The following ACYP2 variants were observed in gnomAD, a reference collection of about 807,000 sequenced individuals.
The protein encoded by ACYP2 is acylphosphatase-2.
In ACYP2, 12 loss-of-function variants were observed where a neutral mutation model predicts 11.2. The observed-to-expected ratio is 1.08, with a 90% CI of 0.69 to 1.74. The LOEUF (loss-of-function observed/expected upper bound fraction) is 1.74, where lower values mean the gene tolerates loss of function less well. ACYP2 is among the 40% of genes most tolerant of loss of function. The pLI, the probability that ACYP2 is intolerant of heterozygous loss-of-function variation, is 0.00. For missense variants in ACYP2, 134 were observed against 101.9 expected, an observed-to-expected ratio of 1.31 and a Z score of -1.35; for synonymous variants, 43 against 32.2, an observed-to-expected ratio of 1.33 and a Z score of -1.13.
At chr2:54,300,154 A>G (rs1573074794) in intron 6 of ACYP2, among the ~76,000 whole-genome samples, 1 of 152,206 alleles carries the variant, frequency 6.6e-6, no homozygotes, top group South Asian at 2.1e-4. Context: ...CCTCTTTTCT[A>G]TACCTAATGA....
At chr2:54,217,181 C>T (rs1572948595) in intron 6 of ACYP2, among the ~76,000 whole-genome samples, 1 of 152,128 alleles carries the variant, frequency 6.6e-6, no homozygotes, top group Admixed American at 6.6e-5. Flanking sequence ...TTTCCTTATT[C>T]CCAACTTCAG....
intron 4 of ACYP2, among the ~76,000 whole-genome samples, chr2:54,122,288 T>C (rs1272786380): frequency 2.0e-5 from 3 of 152,356 alleles, no homozygotes; most frequent in Non-Finnish European, 4.4e-5. Context: ...CAATTCAAAG[T>C]ATGATTTACT....
intron 6 of ACYP2, among the ~76,000 whole-genome samples, chr2:54,220,654 A>T (rs1685761905): frequency 6.6e-6 from 1 of 152,228 alleles, no homozygotes; most frequent in African/African-American, 2.4e-5. Flanking sequence ...AGTCTGATTC[A>T]ATTGAAACAC....
chr2:54,029,767 T>C (rs1047849863), intron 2 of ACYP2: 3 of 595,646 alleles, frequency 5.0e-6, no homozygotes, highest in South Asian at 1.4e-5. Context: ...TGGGGAACAT[T>C]GTAGGCTCTT....
intron 6 of ACYP2, among the ~76,000 whole-genome samples, chr2:54,242,244 C>A (rs1686758490): frequency 6.6e-6 from 1 of 152,176 alleles, no homozygotes. Context: ...GCAGTTTTGT[C>A]ATCTATACAA....
intron 2 of ACYP2, among the ~76,000 whole-genome samples, chr2:54,022,621 C>T (rs1396163486): frequency 6.6e-6 from 1 of 152,008 alleles, no homozygotes; most frequent in Non-Finnish European, 1.5e-5. Context: ...CTCAAGCAAC[C>T]CTCCCACCTC....
At chr2:53,979,804 C>T (rs1671664690) in intron 2 of ACYP2, among the ~76,000 whole-genome samples, 1 of 151,720 alleles carries the variant, frequency 6.6e-6, no homozygotes, top group African/African-American at 2.4e-5. Flanking sequence ...AGGGATCCTC[C>T]CACCTCAGCC....
At chr2:54,279,433 T>C (rs1369384649) in intron 6 of ACYP2, among the ~76,000 whole-genome samples, 1 of 152,240 alleles carries the variant, frequency 6.6e-6, no homozygotes, top group East Asian at 1.9e-4. Flanking sequence ...TGGCCTTTTA[T>C]TGAAAAAGTT....
At chr2:53,983,255 CAGCACT>C (rs1671856681) in intron 2 of ACYP2, among the ~76,000 whole-genome samples, 1 of 152,108 alleles carries the variant, frequency 6.6e-6, no homozygotes, top group Admixed American at 6.5e-5. Flanking sequence ...TCTGTAATCC[CAGCACT>C]TTGGTAGACC....
intron 3 of ACYP2, among the ~76,000 whole-genome samples, chr2:54,052,915 G>T (rs1382870892): frequency 6.6e-6 from 1 of 152,212 alleles, no homozygotes; most frequent in Non-Finnish European, 1.5e-5. Flanking sequence ...GAATGTGCCA[G>T]TTATCAATTT....
intron 6 of ACYP2, among the ~76,000 whole-genome samples, chr2:54,202,453 T>C (rs1684885466): frequency 7.1e-6 from 1 of 140,438 alleles, no homozygotes; most frequent in African/African-American, 2.7e-5. Context: ...TGTCTCCCAG[T>C]CTGGAGTGCA....
chr2:54,193,680 A>G (rs1684334049), intron 6 of ACYP2, among the ~76,000 whole-genome samples: 1 of 152,188 alleles, frequency 6.6e-6, no homozygotes. Flanking sequence ...TCAATCTTAT[A>G]TTTTTAATCT....
At chr2:53,999,580 C>A (rs1345979332) in intron 2 of ACYP2, among the ~76,000 whole-genome samples, 1 of 152,110 alleles carries the variant, frequency 6.6e-6, no homozygotes, top group Non-Finnish European at 1.5e-5. Context: ...CAGGATGAAG[C>A]CCTGCATAGG....
At chr2:54,004,404 C>CTTTTTTTTT (rs1168703943) in intron 2 of ACYP2, among the ~76,000 whole-genome samples, 2 of 92,058 alleles carry the variant, frequency 2.2e-5, no homozygotes, top group African/African-American at 4.9e-5. Flanking sequence ...GTAGTTTAGC[C>CTTTTTTTTT]TTTTTTTTTT....
intron 6 of ACYP2, among the ~76,000 whole-genome samples, chr2:54,173,252 A>G (rs1049214976): frequency 6.6e-6 from 1 of 152,126 alleles, no homozygotes; most frequent in African/African-American, 2.4e-5. Flanking sequence ...CTGGTGTGAG[A>G]TGGTATCTCA....
At chr2:53,997,276 C>T (rs1558461120) in intron 2 of ACYP2, among the ~76,000 whole-genome samples, 1 of 151,894 alleles carries the variant, frequency 6.6e-6, no homozygotes. Flanking sequence ...TATGTCTCGC[C>T]CTTGTTCATA....
intron 6 of ACYP2, among the ~76,000 whole-genome samples, chr2:54,249,064 G>A (rs747012393): frequency 2.3e-4 from 35 of 152,124 alleles, no homozygotes; most frequent in Non-Finnish European, 4.9e-4. Flanking sequence ...GGGATTGGTT[G>A]TAGCTGATCT....
chr2:54,057,060 C>G (rs1203169563), intron 3 of ACYP2, among the ~76,000 whole-genome samples: 5 of 152,100 alleles, frequency 3.3e-5, no homozygotes, highest in Admixed American at 3.3e-4. Context: ...GATAAAATAG[C>G]TTTCTAGTGT....
At chr2:54,272,087 G>A (rs1449586492) in intron 6 of ACYP2, among the ~76,000 whole-genome samples, 3 of 152,168 alleles carry the variant, frequency 2.0e-5, no homozygotes, top group Non-Finnish European at 4.4e-5. Flanking sequence ...CATGGATCAA[G>A]CACCATGCTA....
Sources: gnomAD v4.1 joint callset for allele counts (sites outside exome capture counted in the v4.1 genomes callset) on GRCh38, gnomAD v4.1.1 for gene constraint, MANE v1.5 for transcripts, NCBI Gene and HGNC (gene_info 2026-07-23, HGNC 2026-07-21) for gene names.